The following HS6ST3 variants were observed in gnomAD, a reference collection of about 807,000 sequenced individuals.
HS6ST3 encodes the protein heparan sulfate 6-O-sulfotransferase 3.
A neutral mutation model predicts 36.7 loss-of-function variants in HS6ST3; 12 were observed. The observed-to-expected ratio is 0.33, with a 90% confidence interval of 0.21 to 0.53. HS6ST3 has a LOEUF of 0.53. Ranked by LOEUF, HS6ST3 falls within the 20% of genes least tolerant of loss-of-function variation. The pLI is 0.95. For synonymous variants in HS6ST3, 240 were observed against 257.5 expected (o/e 0.93, Z 0.65); for missense variants, 584 against 640.9 (o/e 0.91, Z 0.96).
chr13:96,555,131 G>A (rs1166452507), intron 1 of HS6ST3, among the ~76,000 whole-genome samples: 2 of 151,998 alleles, frequency 1.3e-5, no homozygotes, highest in African/African-American at 4.8e-5. Flanking sequence ...GTATTCTGCA[G>A]AGTAAAGTGG....
At chr13:96,098,053 A>T (rs2053799775) in intron 1 of HS6ST3, among the ~76,000 whole-genome samples, 1 of 152,242 alleles carries the variant, frequency 6.6e-6, no homozygotes, top group Non-Finnish European at 1.5e-5. Flanking sequence ...AAAAGTAAAT[A>T]TGGAGACCAG....
chr13:96,512,132 A>G (rs1182488740), intron 1 of HS6ST3, among the ~76,000 whole-genome samples: 1 of 152,226 alleles, frequency 6.6e-6, no homozygotes, highest in Non-Finnish European at 1.5e-5. Flanking sequence ...TAGGACTTCC[A>G]GAACTGTGTT....
At chr13:96,683,701 T>C (rs1007825345) in intron 1 of HS6ST3, among the ~76,000 whole-genome samples, 7 of 152,086 alleles carry the variant, frequency 4.6e-5, no homozygotes, top group Non-Finnish European at 8.8e-5. Flanking sequence ...TAATAAACTC[T>C]TGCTTGCATT....
chr13:96,672,199 A>G (rs190192606), intron 1 of HS6ST3, among the ~76,000 whole-genome samples: 23 of 152,294 alleles, frequency 1.5e-4, no homozygotes, highest in Middle Eastern at 3.4e-3. Flanking sequence ...GTCCACTCCC[A>G]ATACAGATGT....
chr13:96,409,538 A>G (rs2055496777), intron 1 of HS6ST3, among the ~76,000 whole-genome samples: 1 of 152,184 alleles, frequency 6.6e-6, no homozygotes, highest in African/African-American at 2.4e-5. Flanking sequence ...GAGTTTTCCC[A>G]CGGCTGAGTG....
intron 1 of HS6ST3, among the ~76,000 whole-genome samples, chr13:96,740,915 C>CT (rs1876421503): frequency 6.6e-6 from 1 of 152,150 alleles, no homozygotes; most frequent in South Asian, 2.1e-4. Context: ...AGAAACAATA[C>CT]TTGATTAAAC....
rs529819649 is a variant in HS6ST3, at chr13:96,626,763, A to G, written c.708-205727A>G. Among the ~76,000 whole-genome samples the G allele has an allele frequency of 1.1e-4, 17 of 152,246 alleles. 1 individual carries two copies. The highest frequency in any genetic ancestry group is 4.1e-4 in the African/African-American group (17 of 41,560). ...GTTCTGTTTAAAATTCGTATTTAAA[A>G]AAGTGTTGCATATCATTGGTTAAAT... On this transcript the variant is annotated intron_variant, in intron 1 of 1. Coordinates refer to ENST00000376705, the MANE Select transcript of HS6ST3 (RefSeq NM_153456.4).
chr13:96,688,047 TCACA>T (rs57147788), intron 1 of HS6ST3, among the ~76,000 whole-genome samples: 141,625 of 143,622 alleles, frequency 0.99, 69,857 homozygotes, highest in Middle Eastern at 1. Context: ...AAGGGGAACA[TCACA>T]CACACACCGG....
chr13:96,698,915 G>T (rs572739478), intron 1 of HS6ST3, among the ~76,000 whole-genome samples: 2 of 152,184 alleles, frequency 1.3e-5, no homozygotes, highest in South Asian at 4.2e-4. Flanking sequence ...TAGACCAATG[G>T]AACAGAACAG....
At chr13:96,652,775 T>A (rs1040854828) in intron 1 of HS6ST3, among the ~76,000 whole-genome samples, 3 of 152,082 alleles carry the variant, frequency 2.0e-5, no homozygotes, top group African/African-American at 7.2e-5. Flanking sequence ...TCTGAAAACA[T>A]TGCTGCAGTT....
chr13:96,115,085 A>T (rs975196099), intron 1 of HS6ST3, among the ~76,000 whole-genome samples: 3 of 152,144 alleles, frequency 2.0e-5, no homozygotes, highest in African/African-American at 7.2e-5. Flanking sequence ...TGTGCTTGCT[A>T]CTAGTTTTAC....
At chr13:96,746,490 A>C (rs1876564621) in intron 1 of HS6ST3, among the ~76,000 whole-genome samples, 1 of 152,224 alleles carries the variant, frequency 6.6e-6, no homozygotes, top group East Asian at 1.9e-4. Context: ...GCTAGTTTAG[A>C]TTAGCTAGTT....
intron 1 of HS6ST3, among the ~76,000 whole-genome samples, chr13:96,400,990 G>A (rs9554351): frequency 0.48 from 73,228 of 151,818 alleles, 18,044 homozygotes; most frequent in Middle Eastern, 0.59. Flanking sequence ...ATACTTATCA[G>A]GAATGAAAAC....
intron 1 of HS6ST3, among the ~76,000 whole-genome samples, chr13:96,730,892 C>T (rs1283635116): frequency 6.6e-6 from 1 of 152,076 alleles, no homozygotes; most frequent in Admixed American, 6.6e-5. Flanking sequence ...CCACCAGACT[C>T]AGAGAATTTT....
intron 1 of HS6ST3, among the ~76,000 whole-genome samples, chr13:96,396,875 A>G (rs2055424619): frequency 6.6e-6 from 1 of 152,222 alleles, no homozygotes; most frequent in Non-Finnish European, 1.5e-5. Flanking sequence ...AAGGAATTAA[A>G]GTAGATAAAT....
At chr13:96,423,495 C>T (rs2139469567) in intron 1 of HS6ST3, among the ~76,000 whole-genome samples, 1 of 151,764 alleles carries the variant, frequency 6.6e-6, no homozygotes, top group East Asian at 1.9e-4. Context: ...GTGAGGGTGA[C>T]TGTCTGATAT....
At position 96,328,762 on chromosome 13, in the gene HS6ST3, G is replaced by A. The variant is rs577742065; in HGVS notation, c.707+237193G>A. Among the ~76,000 whole-genome samples, 424 of 152,282 alleles carry A rather than the reference G, an allele frequency of 2.8e-3. 2 individuals carry two copies. Among genetic ancestry groups the A allele is most frequent in the Admixed American group, 5.5e-3 (84 of 15,294 alleles). ...AATAGTTTCAGACGGAATGGTACCC[G>A]TTCCTCCTTGTACCTCTGGTAGAAT... On this transcript the variant is annotated intron_variant, in intron 1 of 1. Coordinates refer to ENST00000376705, the MANE Select transcript of HS6ST3 (RefSeq NM_153456.4).
intron 1 of HS6ST3, among the ~76,000 whole-genome samples, chr13:96,140,786 A>G (rs2054028313): frequency 6.6e-6 from 1 of 152,190 alleles, no homozygotes; most frequent in Admixed American, 6.5e-5. Context: ...GATTACTGTA[A>G]GAAAGGCATA....
intron 1 of HS6ST3, among the ~76,000 whole-genome samples, chr13:96,464,226 T>C (rs1016982017): frequency 1.3e-5 from 2 of 149,102 alleles, no homozygotes; most frequent in Non-Finnish European, 3.0e-5. Context: ...CTCATCATGA[T>C]GATTGCTTCC....
Sources: gnomAD v4.1 joint callset for allele counts (sites outside exome capture counted in the v4.1 genomes callset) on GRCh38, gnomAD v4.1.1 for gene constraint, MANE v1.5 for transcripts, NCBI Gene and HGNC (gene_info 2026-07-23, HGNC 2026-07-21) for gene names.